BMAL2: variants seen among roughly 807,000 people sequenced by gnomAD.
BMAL2 encodes the protein basic helix-loop-helix ARNT like 2, also known as basic helix-loop-helix ARNT-like protein 2.
chr12:27,384,414 G>A, the BMAL2 span, among the ~76,000 whole-genome samples: 4 of 152,096 alleles, frequency 2.6e-5, no homozygotes, highest in African/African-American at 4.8e-5. Flanking sequence ...TCAGAATAGA[G>A]GTCTCTATAT....
chr12:27,404,218 T>TC, the BMAL2 span, among the ~76,000 whole-genome samples: 1 of 149,410 alleles, frequency 6.7e-6, no homozygotes, highest in South Asian at 2.1e-4. Context: ...ACCATGCATT[T>TC]TTTTTTTTTG....
the BMAL2 span, among the ~76,000 whole-genome samples, chr12:27,411,494 G>A: frequency 4.0e-5 from 6 of 151,824 alleles, no homozygotes; most frequent in African/African-American, 9.7e-5. Context: ...GGGGCACAGC[G>A]GTAGTCCCAG....
At chr12:27,414,427 T>A in the BMAL2 span, among the ~76,000 whole-genome samples, 1 of 152,162 alleles carries the variant, frequency 6.6e-6, no homozygotes, top group South Asian at 2.1e-4. Context: ...TTAAAAAATT[T>A]AAGAGCATGG....
chr12:27,363,804 C>A, the BMAL2 span, among the ~76,000 whole-genome samples: 5 of 152,138 alleles, frequency 3.3e-5, no homozygotes, highest in Non-Finnish European at 7.4e-5. Flanking sequence ...TCAACATTAA[C>A]TTAAAGATTG....
the BMAL2 span, among the ~76,000 whole-genome samples, chr12:27,411,115 A>G: frequency 5.7e-4 from 87 of 152,186 alleles, no homozygotes; most frequent in African/African-American, 1.9e-3. Flanking sequence ...AGTATACAGA[A>G]TAGTTATTGT....
the BMAL2 span, among the ~76,000 whole-genome samples, chr12:27,379,236 G>A: frequency 2.0e-5 from 3 of 152,128 alleles, no homozygotes; most frequent in Non-Finnish European, 2.9e-5. Flanking sequence ...GGGGTACATC[G>A]CAGAGAATGC....
the BMAL2 span, chr12:27,390,358 C>G: frequency 1.0e-5 from 12 of 1,184,414 alleles, no homozygotes; most frequent in African/African-American, 1.7e-4. Context: ...TCAAAAGCAT[C>G]TTAAAAATAA....
At chr12:27,378,450 G>T in the BMAL2 span, among the ~76,000 whole-genome samples, 1 of 152,224 alleles carries the variant, frequency 6.6e-6, no homozygotes, top group Non-Finnish European at 1.5e-5. Context: ...AGTATAGTCA[G>T]AAAGGACTTT....
chr12:27,354,383 C>G, the BMAL2 span, among the ~76,000 whole-genome samples: 25 of 152,102 alleles, frequency 1.6e-4, no homozygotes, highest in South Asian at 5.0e-3. Flanking sequence ...CACATGGACA[C>G]AAAAAGAGGA....
At chr12:27,415,053 G>T in the BMAL2 span, among the ~76,000 whole-genome samples, 1 of 152,284 alleles carries the variant, frequency 6.6e-6, no homozygotes, top group South Asian at 2.1e-4. Context: ...GAGTAGATAG[G>T]TGTTCACTAG....
At chr12:27,401,683 T>A in the BMAL2 span, 5 of 1,557,306 alleles carry the variant, frequency 3.2e-6, no homozygotes, top group African/African-American at 5.5e-5. Context: ...TTGTAAGTAA[T>A]TTTTTATGTT....
chr12:27,367,973 T>A, the BMAL2 span, among the ~76,000 whole-genome samples: 1 of 151,646 alleles, frequency 6.6e-6, no homozygotes. Context: ...GCCACCCAAG[T>A]AGCTGGGATT....
the BMAL2 span, among the ~76,000 whole-genome samples, chr12:27,369,430 G>A: frequency 2.6e-5 from 4 of 152,024 alleles, no homozygotes; most frequent in Admixed American, 6.5e-5. Context: ...CACTTCCCAC[G>A]CCACATATAA....
the BMAL2 span, chr12:27,390,133 G>A: frequency 6.2e-7 from 1 of 1,614,014 alleles, no homozygotes; most frequent in Non-Finnish European, 8.5e-7. Flanking sequence ...ACGCTGGAAG[G>A]ACACGTGTGT....
At chr12:27,424,698 G>A in the BMAL2 span, 1 of 152,178 alleles carries the variant, frequency 6.6e-6, no homozygotes, top group Non-Finnish European at 1.5e-5. Context: ...TCATCACTGA[G>A]CCCTGGAATT....
chr12:27,351,113 C>T, the BMAL2 span, among the ~76,000 whole-genome samples: 1 of 151,754 alleles, frequency 6.6e-6, no homozygotes, highest in Non-Finnish European at 1.5e-5. Context: ...CTCAGCCTCC[C>T]GAGTAGCTGG....
At chr12:27,386,290 A>G in the BMAL2 span, among the ~76,000 whole-genome samples, 2 of 152,124 alleles carry the variant, frequency 1.3e-5, no homozygotes, top group Non-Finnish European at 2.9e-5. Context: ...AAGCTTTCTC[A>G]CCAATCTGTA....
the BMAL2 span, among the ~76,000 whole-genome samples, chr12:27,369,077 G>T: frequency 6.6e-6 from 1 of 152,134 alleles, no homozygotes; most frequent in Non-Finnish European, 1.5e-5. Flanking sequence ...TTTGAGACCC[G>T]CAAGACCCCA....
chr12:27,378,041 C>G, the BMAL2 span, among the ~76,000 whole-genome samples: 1 of 152,176 alleles, frequency 6.6e-6, no homozygotes, highest in Non-Finnish European at 1.5e-5. Flanking sequence ...CCCACTTACC[C>G]TCTTTCTCAT....
Sources: gnomAD v4.1 joint callset for allele counts (sites outside exome capture counted in the v4.1 genomes callset) on GRCh38, gnomAD v4.1.1 for gene constraint, MANE v1.5 for transcripts, NCBI Gene and HGNC (gene_info 2026-07-23, HGNC 2026-07-21) for gene names.